Variants in LMO3 observed in about 807,000 individuals in gnomAD.
The protein encoded by LMO3 is LIM domain only 3.
Under a neutral mutation model 15.8 loss-of-function variants are expected in LMO3, and 2 were observed. The ratio of observed to expected loss-of-function variants is 0.13; its 90% CI spans 0.05 to 0.40. The LOEUF (loss-of-function observed/expected upper bound fraction) is 0.40. Among genes scored for constraint, LMO3 ranks in the 10% least tolerant of loss-of-function variants. LMO3 has a pLI of 0.99. For missense variants in LMO3, 86 were observed against 182.2 expected (o/e 0.47, Z 3.04); for synonymous variants, 62 against 63.8 (o/e 0.97, Z 0.13).
At chr12:16,580,204 G>T (rs112581235) in intron 2 of LMO3, among the ~76,000 whole-genome samples, 2 of 152,092 alleles carry the variant, frequency 1.3e-5, no homozygotes, top group Non-Finnish European at 2.9e-5. Flanking sequence ...GGGCTCAAGT[G>T]GTCCTCCCAC....
intron 2 of LMO3, chr12:16,600,429 TGC>T: frequency 1.9e-6 from 1 of 521,030 alleles, no homozygotes; most frequent in Admixed American, 3.4e-5. Flanking sequence ...TGCCTGAGTG[TGC>T]AGGCAAGCCA....
At chr12:16,605,889 T>G in intron 1 of LMO3, 177 bp downstream of exon 1, 2 of 1,451,600 alleles carry the variant, frequency 1.4e-6, no homozygotes, top group South Asian at 2.4e-5. Flanking sequence ...ACCGTCTCAG[T>G]AGAGCTGCAG....
intron 1 of LMO3, chr12:16,605,440 C>G (rs1406371637): frequency 2.0e-5 from 14 of 716,022 alleles, no homozygotes; most frequent in East Asian, 1.6e-4. Context: ...CCGCCTGCCC[C>G]CCCCCCCCGC....
chr12:16,574,610 A>C (rs1471477059), intron 2 of LMO3, among the ~76,000 whole-genome samples: 1 of 152,134 alleles, frequency 6.6e-6, no homozygotes, highest in African/African-American at 2.4e-5. Flanking sequence ...CCACTTTTTA[A>C]ATTTTAAATC....
In LMO3 at chr12:16,586,204, A is replaced by G. The variant is rs536339238; in HGVS notation, c.206+14451T>C. On this transcript the variant is annotated intron_variant, in intron 2 of 3. Transcript: ENST00000537304. This position sits in a 1 kb window ranked among gnomAD's most constrained non-coding sequence, Gnocchi z 4.3. ...TTTCAGGTAATCTGCCATAAATACT[A>G]TTTCCTTCAGATGACTTCTTAAAAC... Among the ~76,000 whole-genome samples, 7 of 150,718 alleles carry G rather than the reference A, an allele frequency of 4.6e-5. No homozygotes were observed. Among genetic ancestry groups the G allele is most frequent in the African/African-American group, 1.7e-4 (7 of 41,368 alleles).
At position 16,589,218 on chromosome 12, in the gene LMO3, A is replaced by G. The variant is rs557686830; in HGVS notation, c.206+11437T>C. Among the ~76,000 whole-genome samples the G allele has an allele frequency of 5.8e-4, 89 of 152,240 alleles. No individual in the cohort carries two copies. The highest frequency in any genetic ancestry group is 2.1e-3 in the African/African-American group (89 of 41,562). On this transcript the variant is annotated intron_variant, in intron 2 of 3. Coordinates refer to ENST00000537304, the MANE Select transcript of LMO3 (RefSeq NM_018640.5). This position sits in a 1 kb window ranked among gnomAD's most constrained non-coding sequence, Gnocchi z 4.2. Reference sequence around the variant, plus strand: ...TTTATTTTTTAATGAAGTGATATTCACAGAAGATTATAACAACAGTAGATG... The same window carrying G: ...TTTATTTTTTAATGAAGTGATATTCGCAGAAGATTATAACAACAGTAGATG...
intron 2 of LMO3, among the ~76,000 whole-genome samples, chr12:16,580,352 G>A (rs1943121247): frequency 1.3e-5 from 2 of 152,144 alleles, no homozygotes; most frequent in South Asian, 4.1e-4. Flanking sequence ...GACACCACAA[G>A]GATGCAACCA....
chr12:16,568,715 T>C (rs1489001813), intron 2 of LMO3, among the ~76,000 whole-genome samples: 2 of 152,210 alleles, frequency 1.3e-5, no homozygotes, highest in Admixed American at 1.3e-4. Flanking sequence ...TAAAACACTT[T>C]CCTTGGCTAC....
At position 16,576,422 on chromosome 12, in the gene LMO3, C is replaced by T. The variant is rs1942997629; in HGVS notation, c.207-15884G>A. ...CTGAGTTCCTACTAAATCTATTCTTCCTGGAAGACTACTGCTGCTTTTTTT... is the reference window on the plus strand; with the variant it reads ...CTGAGTTCCTACTAAATCTATTCTTTCTGGAAGACTACTGCTGCTTTTTTT... On this transcript the variant is annotated intron_variant, in intron 2 of 3. Transcript: ENST00000537304. The surrounding 1 kb of genome is among the most constrained non-coding windows in gnomAD (Gnocchi z 4.1). 6.6e-6 allele frequency among the ~76,000 whole-genome samples: 1 copy of T among 152,216 alleles called. No individual in the cohort carries two copies.
chr12:16,563,349 T>C (rs1290664387), intron 2 of LMO3, among the ~76,000 whole-genome samples: 1 of 152,196 alleles, frequency 6.6e-6, no homozygotes, highest in Non-Finnish European at 1.5e-5. Flanking sequence ...TCTGGGAAAA[T>C]AAACAAAGTA....
In LMO3 at chr12:16,593,994, T is replaced by C. The variant is rs901331773; in HGVS notation, c.206+6661A>G. 9.0e-6 allele frequency: 6 copies of C among 668,482 alleles called. No individual in the cohort carries two copies. The African/African-American group carries it at 9.0e-5, about 10-fold the overall frequency. The allele number at this position is 668,482 out of a possible 1,614,324, so 41.4% of individuals were successfully genotyped here. On this transcript the variant is annotated intron_variant, in intron 2 of 3. Transcript: ENST00000537304. This position sits in a 1 kb window ranked among gnomAD's most constrained non-coding sequence, Gnocchi z 4.2. ...ATATTTAAAATCACAAGGAAATAAA[T>C]TTAGGCATTCTGTAGTTTTATAAAA...
In LMO3 at chr12:16,587,568, C is replaced by G. The variant is rs548148403; in HGVS notation, c.206+13087G>C. On this transcript the variant is annotated intron_variant, in intron 2 of 3. Transcript: ENST00000537304. The surrounding 1 kb of genome is among the most constrained non-coding windows in gnomAD (Gnocchi z 4.3). ...CCTTAATAGTAGCCTACATGGTTGA[C>G]TACCCTTGGTGTTAAATTTTCTTAA... Among the ~76,000 whole-genome samples, 2 of 152,190 alleles carry G rather than the reference C, an allele frequency of 1.3e-5. No homozygotes were observed. The highest frequency in any genetic ancestry group is 2.1e-4 in the South Asian group (1 of 4,824).
intron 2 of LMO3, among the ~76,000 whole-genome samples, chr12:16,564,970 T>C (rs1388904861): frequency 1.3e-5 from 2 of 152,006 alleles, no homozygotes; most frequent in African/African-American, 4.8e-5. Flanking sequence ...AAAAAAAATT[T>C]GTAGAGATGG....
In LMO3 at chr12:16,597,612, AC is replaced by A. The variant is rs529430292; in HGVS notation, c.206+3042del. The stretch of plus-strand genomic sequence containing the variant: ...TGGCCCAGGACAATACTTGTAACCA[AC>A]AATATATGTGGACAGGCAAATTACT... On this transcript the variant is annotated intron_variant, in intron 2 of 3. Coordinates refer to ENST00000537304, the MANE Select transcript of LMO3 (RefSeq NM_018640.5). The surrounding 1 kb of genome is among the most constrained non-coding windows in gnomAD (Gnocchi z 5.0). 203 of 152,018 alleles carry A rather than the reference AC, an allele frequency of 1.3e-3. No individual in the cohort carries two copies. The highest frequency in any genetic ancestry group is 4.7e-3 in the African/African-American group (194 of 41,546). 9.4% of individuals were successfully genotyped at this position (152,018 alleles called of 1,614,324 possible). A position where few individuals can be genotyped will look rare whatever the true frequency, so the allele number is the denominator to read the frequency against.
chr12:16,563,000 C>G (rs1002546657), intron 2 of LMO3, among the ~76,000 whole-genome samples: 2 of 152,158 alleles, frequency 1.3e-5, no homozygotes, highest in African/African-American at 4.8e-5. Flanking sequence ...CTTAATTATT[C>G]TCTGCTGTAA....
Position 16,550,851 on chromosome 12 carries a change from T to C in LMO3, c.*371A>G, listed in dbSNP as rs1159446139. The C allele has an allele frequency of 1.2e-5, 2 of 169,502 alleles. No individual in the cohort carries two copies. The highest frequency in any genetic ancestry group is 2.6e-5 in the Non-Finnish European group (2 of 78,144). 10.5% of individuals were successfully genotyped at this position (169,502 alleles called of 1,614,324 possible). A position where few individuals can be genotyped will look rare whatever the true frequency, so the allele number is the denominator to read the frequency against. ...ACACTGATTGTACTAAATGCAACAA[T>C]ACAAAGAAGCAAATGGAACACAAAT... On this transcript the variant is annotated 3_prime_UTR_variant, in exon 4 of 4. Transcript: ENST00000537304.
At chr12:16,571,443 A>C (rs1374942065) in intron 2 of LMO3, among the ~76,000 whole-genome samples, 1 of 152,120 alleles carries the variant, frequency 6.6e-6, no homozygotes, top group Non-Finnish European at 1.5e-5. Context: ...AAATTCTTTA[A>C]GAAGGTACTC....
At chr12:16,578,193 C>A (rs935707611) in intron 2 of LMO3, among the ~76,000 whole-genome samples, 2 of 152,036 alleles carry the variant, frequency 1.3e-5, no homozygotes, top group African/African-American at 4.8e-5. Context: ...TAACTAACTA[C>A]CTAAAGTGAC....
chr12:16,570,145 T>G (rs1163784635), intron 2 of LMO3, among the ~76,000 whole-genome samples: 1 of 152,160 alleles, frequency 6.6e-6, no homozygotes, highest in Non-Finnish European at 1.5e-5. Flanking sequence ...TTTTAAGAAT[T>G]TTTTGTGATA....
Sources: gnomAD v4.1 joint callset for allele counts (sites outside exome capture counted in the v4.1 genomes callset) on GRCh38, gnomAD v4.1.1 for gene constraint, Gnocchi (gnomAD v3.1) non-coding constraint, MANE v1.5 for transcripts, NCBI Gene and HGNC (gene_info 2026-07-23, HGNC 2026-07-21) for gene names.